NLGN4Y: variants seen among roughly 807,000 people sequenced by gnomAD.
The protein encoded by NLGN4Y is neuroligin 4 Y-linked.
A neutral mutation model predicts 8.4 loss-of-function variants in NLGN4Y; 4 were observed. The ratio of observed to expected loss-of-function variants is 0.48; its 90% CI spans 0.23 to 1.09. The LOEUF is 1.09. Among genes scored for constraint, NLGN4Y ranks in the 50% least tolerant of loss-of-function variants. NLGN4Y has a pLI of 0.19. For missense variants in NLGN4Y, 90 were observed against 192.3 expected, an observed-to-expected ratio of 0.47 and a Z score of 3.15; for synonymous variants, 35 against 75.6, an observed-to-expected ratio of 0.46 and a Z score of 2.78.
intron 4 of NLGN4Y, among the ~76,000 whole-genome samples, chrY:14,777,060 G>A: frequency 6.1e-5 from 2 of 32,556 alleles, no homozygotes; most frequent in Non-Finnish European, 7.5e-5. Context: ...TCTTCCCTGT[G>A]AGAGTGGAAA....
intron 4 of NLGN4Y, among the ~76,000 whole-genome samples, chrY:14,795,038 C>A: frequency 3.0e-5 from 1 of 32,839 alleles, no homozygotes; most frequent in Non-Finnish European, 7.5e-5. Flanking sequence ...CCATGCCTGG[C>A]AAATTTTTGT....
chrY:14,656,825 T>C (rs771592052), intron 2 of NLGN4Y, among the ~76,000 whole-genome samples: 1 of 29,863 alleles, frequency 3.3e-5, no homozygotes, highest in East Asian at 8.9e-4. Flanking sequence ...GTTATAATTC[T>C]AGGCATTTTT....
chrY:14,834,011 A>G (rs2043188879), intron 6 of NLGN4Y, among the ~76,000 whole-genome samples: 1 of 31,641 alleles, frequency 3.2e-5, no homozygotes, highest in Non-Finnish European at 7.6e-5. Context: ...ATTAAAAAAA[A>G]AAAAAAAGAA....
At chrY:14,690,383 A>G in intron 2 of NLGN4Y, among the ~76,000 whole-genome samples, 3 of 33,097 alleles carry the variant, frequency 9.1e-5, no homozygotes, top group Non-Finnish European at 1.5e-4. Context: ...ACCCAAGAGC[A>G]GTAAAATGAA....
intron 1 of NLGN4Y, among the ~76,000 whole-genome samples, chrY:14,549,149 C>T: frequency 3.0e-5 from 1 of 32,907 alleles, no homozygotes; most frequent in Non-Finnish European, 7.4e-5. Context: ...CTCATAGCAT[C>T]TCCTCTCAGT....
intron 4 of NLGN4Y, among the ~76,000 whole-genome samples, chrY:14,797,065 G>C: frequency 3.1e-5 from 1 of 32,656 alleles, no homozygotes; most frequent in Non-Finnish European, 7.5e-5. Context: ...TTTTACTAAG[G>C]CTTAGTTTGC....
intron 2 of NLGN4Y, among the ~76,000 whole-genome samples, chrY:14,627,160 G>T (rs2080531277): frequency 3.4e-5 from 1 of 29,360 alleles, no homozygotes; most frequent in Non-Finnish European, 8.2e-5. Flanking sequence ...ACTCCAGCTT[G>T]GGTGATAGAG....
chrY:14,572,082 G>T, intron 1 of NLGN4Y, among the ~76,000 whole-genome samples: 2 of 32,010 alleles, frequency 6.2e-5, no homozygotes, highest in African/African-American at 2.5e-4. Context: ...GCAATGCAGG[G>T]TCTTTTTTGG....
intron 4 of NLGN4Y, among the ~76,000 whole-genome samples, chrY:14,757,716 A>G: frequency 5.9e-5 from 2 of 33,752 alleles, no homozygotes; most frequent in South Asian, 1.3e-3. Context: ...AAGTGGGACT[A>G]CAGGTGCACA....
At chrY:14,814,004 A>C (rs773511817) in intron 4 of NLGN4Y, among the ~76,000 whole-genome samples, 258 of 32,570 alleles carry the variant, frequency 7.9e-3, no homozygotes, top group African/African-American at 0.028. Flanking sequence ...CTACATAATA[A>C]ACCTATAGTT....
intron 4 of NLGN4Y, among the ~76,000 whole-genome samples, chrY:14,810,961 T>A: frequency 9.0e-5 from 3 of 33,400 alleles, no homozygotes; most frequent in African/African-American, 2.3e-4. Context: ...CATGATACAA[T>A]AGGAAAATAG....
chrY:14,816,845 C>T (rs2043103726), intron 4 of NLGN4Y, among the ~76,000 whole-genome samples: 1 of 33,181 alleles, frequency 3.0e-5, no homozygotes, highest in Non-Finnish European at 7.5e-5. Context: ...GGAGAAAAGT[C>T]GCAGGGTTGA....
intron 1 of NLGN4Y, among the ~76,000 whole-genome samples, chrY:14,573,857 C>T (rs2080285513): frequency 3.0e-5 from 1 of 33,533 alleles, no homozygotes; most frequent in Non-Finnish European, 7.4e-5. Context: ...CTTATGTACC[C>T]AGTAGCCATT....
chrY:14,560,066 A>ATG (rs2080221832), intron 1 of NLGN4Y, among the ~76,000 whole-genome samples: 2 of 32,149 alleles, frequency 6.2e-5, no homozygotes, highest in African/African-American at 2.4e-4. Flanking sequence ...TATGTATTTT[A>ATG]TGTGTGTGTG....
intron 1 of NLGN4Y, among the ~76,000 whole-genome samples, chrY:14,542,334 G>A (rs1603499127): frequency 3.0e-5 from 1 of 33,274 alleles, no homozygotes; most frequent in South Asian, 6.8e-4. Context: ...GACTTAGAAT[G>A]CCACACAGTA....
At chrY:14,808,092 G>C (rs2043064059) in intron 4 of NLGN4Y, among the ~76,000 whole-genome samples, 1 of 32,708 alleles carries the variant, frequency 3.1e-5, no homozygotes, top group Non-Finnish European at 7.5e-5. Context: ...GAATGCAATG[G>C]CATGATCTCC....
chrY:14,593,036 G>A lies in NLGN4Y; in HGVS notation c.-111-28973G>A, dbSNP rs377355671. ...TGTGGCCTCCAGGAGCAATGAAGGC[G>A]ATATTGTATCCCTAGTGCCTTGGAG... On this transcript the variant is annotated intron_variant, in intron 1 of 6. Transcript: ENST00000684976. Among the ~76,000 whole-genome samples, 315 of 32,974 alleles carry A rather than the reference G, an allele frequency of 9.6e-3. No individual in the cohort carries two copies. The Middle Eastern group carries it at 0.22, about 23-fold the overall frequency. 88.5% of individuals were successfully genotyped at this position (32,974 alleles called of 37,273 possible).
chrY:14,544,139 G>A (rs750749576), intron 1 of NLGN4Y, among the ~76,000 whole-genome samples: 14 of 33,709 alleles, frequency 4.2e-4, no homozygotes, highest in African/African-American at 1.6e-3. Context: ...GTCAATTCAA[G>A]CCAAAGCATA....
intron 4 of NLGN4Y, among the ~76,000 whole-genome samples, chrY:14,749,997 A>C: frequency 3.0e-5 from 1 of 32,965 alleles, no homozygotes; most frequent in Non-Finnish European, 7.4e-5. Context: ...AGATGGTATT[A>C]TAGACCTGAG....
Sources: allele counts gnomAD v4.1 joint callset (sites outside exome capture counted in the v4.1 genomes callset), GRCh38; gene constraint gnomAD v4.1.1; transcripts MANE v1.5; gene names NCBI Gene and HGNC (gene_info 2026-07-23, HGNC 2026-07-21).